Variants in DNAH14 observed in about 807,000 individuals in gnomAD.
The protein encoded by DNAH14 is axonemal beta dynein heavy chain 14.
DNAH14 carries 478 observed loss-of-function variants against 520.9 expected under a neutral mutation model. The ratio of observed to expected loss-of-function variants is 0.92; its 90% CI spans 0.85 to 0.99. The LOEUF is 0.99. DNAH14 is among the 50% of genes least tolerant of loss of function. The probability of loss-of-function intolerance (pLI) is 0.00; values close to 1 mark genes in which losing one functional copy is unlikely to be tolerated. For synonymous variants in DNAH14, 1,581 were observed against 1,757.2 expected, an observed-to-expected ratio of 0.90 and a Z score of 2.51; for missense variants, 4,831 against 5,234.5, an observed-to-expected ratio of 0.92 and a Z score of 2.38.
chr1:224,962,611 G>A (rs1010158435), intron 4 of DNAH14, among the ~76,000 whole-genome samples: 11 of 152,116 alleles, frequency 7.2e-5, no homozygotes, highest in Admixed American at 3.9e-4. Flanking sequence ...TAAGGGCATG[G>A]TCAGCTGACA....
chr1:225,249,510 A>G, intron 43 of DNAH14, among the ~76,000 whole-genome samples: 1 of 152,148 alleles, frequency 6.6e-6, no homozygotes, highest in Non-Finnish European at 1.5e-5. Flanking sequence ...CCAGCCCTCT[A>G]CCTGGAGGAG....
intron 21 of DNAH14, among the ~76,000 whole-genome samples, chr1:225,094,656 CAAA>C (rs760828776): frequency 0.02 from 1,518 of 77,456 alleles, 24 homozygotes; most frequent in Non-Finnish European, 0.042. Context: ...TTCTGCACAG[CAAA>C]AAAAAAAAAA....
Position 225,345,924 on chromosome 1 carries a change from A to G in DNAH14, c.10679-38A>G, listed in dbSNP as rs12082090. 2.6e-4 allele frequency: 386 copies of G among 1,489,708 alleles called. 2 individuals are homozygous for G. In the African/African-American group the frequency reaches 4.7e-3, roughly 18 times the overall value. 92.3% of individuals were successfully genotyped at this position (1,489,708 alleles called of 1,614,324 possible). The stretch of plus-strand genomic sequence containing the variant: ...GAGGAAATAGCCATTTACTGTTACA[A>G]TAGTCTTTATTTAACTTCACTTTTT... On this transcript the variant is annotated intron_variant, in intron 69 of 85. Coordinates refer to ENST00000682510, the MANE Select transcript of DNAH14 (RefSeq NM_001367479.1).
chr1:225,063,668 C>T (rs2070468889), intron 17 of DNAH14, among the ~76,000 whole-genome samples: 1 of 151,908 alleles, frequency 6.6e-6, no homozygotes, highest in Admixed American at 6.6e-5. Context: ...ACCAAGTGAT[C>T]TATCATATGT....
intron 41 of DNAH14, among the ~76,000 whole-genome samples, chr1:225,218,097 A>C (rs1366495037): frequency 6.6e-6 from 1 of 152,168 alleles, no homozygotes; most frequent in Non-Finnish European, 1.5e-5. Context: ...CTTTATAGAC[A>C]AGCAAATGCT....
At chr1:225,129,833 T>G (rs1421028299) in intron 27 of DNAH14, among the ~76,000 whole-genome samples, 2 of 152,130 alleles carry the variant, frequency 1.3e-5, no homozygotes, top group Non-Finnish European at 2.9e-5. Context: ...CTAATTAAAC[T>G]AAAGAGCTTC....
intron 36 of DNAH14, among the ~76,000 whole-genome samples, chr1:225,184,395 G>T (rs1474774091): frequency 6.6e-6 from 1 of 152,144 alleles, no homozygotes; most frequent in Non-Finnish European, 1.5e-5. Flanking sequence ...AGAGGTGAGT[G>T]GATCGCTTGA....
At chr1:225,222,457 C>G (rs76137073) in intron 41 of DNAH14, among the ~76,000 whole-genome samples, 7,417 of 152,114 alleles carry the variant, frequency 0.049, 284 homozygotes, top group Non-Finnish European at 0.073. Context: ...TGACCAGCAG[C>G]AAGATTTATT....
chr1:225,108,460 G>GT (rs1558984943), intron 23 of DNAH14, among the ~76,000 whole-genome samples: 1 of 152,084 alleles, frequency 6.6e-6, no homozygotes, highest in Non-Finnish European at 1.5e-5. Flanking sequence ...CTAGAGAACC[G>GT]TGACTAATAC....
chr1:225,318,373 C>A (rs974655279), intron 60 of DNAH14, among the ~76,000 whole-genome samples: 4 of 152,184 alleles, frequency 2.6e-5, no homozygotes, highest in Non-Finnish European at 5.9e-5. Context: ...TATACCTTCT[C>A]ATCAAGGATT....
At chr1:225,279,442 AG>A (rs2093575082) in intron 54 of DNAH14, among the ~76,000 whole-genome samples, 1 of 152,222 alleles carries the variant, frequency 6.6e-6, no homozygotes, top group African/African-American at 2.4e-5. Flanking sequence ...TGCAGGGAGA[AG>A]CAACTGGAGG....
chr1:225,084,007 G>A (rs1041505580), intron 20 of DNAH14, among the ~76,000 whole-genome samples: 1 of 152,116 alleles, frequency 6.6e-6, no homozygotes, highest in Admixed American at 6.5e-5. Flanking sequence ...GCAGCTGGTG[G>A]CCTACATGGG....
At position 225,381,668 on chromosome 1, in the gene DNAH14, G is replaced by T. The variant is rs573004550; in HGVS notation, c.13077+89G>T. ...AATGGTGAAGGTAAATGGTGCATCT[G>T]TGTGATGAAATATGTAACTCTTAAA... On this transcript the variant is annotated intron_variant, in intron 81 of 85. Transcript: ENST00000682510. The T allele has an allele frequency of 5.9e-5, 61 of 1,037,548 alleles. No homozygotes were observed. In the South Asian group the frequency reaches 1.0e-3, roughly 18 times the overall value. 64.3% of individuals were successfully genotyped at this position (1,037,548 alleles called of 1,614,324 possible).
At chr1:225,043,197 A>T in intron 13 of DNAH14, 83 bp downstream of exon 13, 30 of 1,180,908 alleles carry the variant, frequency 2.5e-5, no homozygotes, top group African/African-American at 5.0e-5. Context: ...TGGGAGGCTG[A>T]GGTGGGAGGA....
chr1:225,141,085 G>A, intron 28 of DNAH14, 64 bp downstream of exon 28: 2 of 1,396,912 alleles, frequency 1.4e-6, no homozygotes, highest in East Asian at 2.5e-5. Flanking sequence ...TAGGTAAATT[G>A]ATTCTCTACC....
At chr1:224,955,284 T>C (rs1301721532) in intron 3 of DNAH14, among the ~76,000 whole-genome samples, 186 bp downstream of exon 3, 1 of 151,712 alleles carries the variant, frequency 6.6e-6, no homozygotes, top group Non-Finnish European at 1.5e-5. Context: ...CATTAACTAC[T>C]CATAATAAAA....
rs568596163 is a variant in DNAH14 at position 225,055,583 on chromosome 1, C to T, written c.2424+3788C>T. On this transcript the variant is annotated intron_variant, in intron 17 of 85. Transcript: ENST00000682510. ...TAAATTTTAGGGTACATGTGCACAA[C>T]GTGCAGGTTAGTTACATATGTATAC... Among the ~76,000 whole-genome samples the T allele has an allele frequency of 7.9e-5, 12 of 151,982 alleles. No individual in the cohort carries two copies. The South Asian group carries it at 1.5e-3, about 18-fold the overall frequency.
chr1:225,191,797 G>T (rs114480508), intron 37 of DNAH14, among the ~76,000 whole-genome samples: 2,374 of 151,686 alleles, frequency 0.016, 50 homozygotes, highest in East Asian at 0.053. Flanking sequence ...CTTCAGGTTT[G>T]CTCATTCTTT....
At chr1:225,227,500 T>C (rs1432557264) in intron 41 of DNAH14, among the ~76,000 whole-genome samples, 1 of 151,958 alleles carries the variant, frequency 6.6e-6, no homozygotes, top group African/African-American at 2.4e-5. Context: ...GCAGAAAAAT[T>C]TTTCTTAGTA....
Sources: allele counts gnomAD v4.1 joint callset (sites outside exome capture counted in the v4.1 genomes callset), GRCh38; gene constraint gnomAD v4.1.1; transcripts MANE v1.5; gene names NCBI Gene and HGNC (gene_info 2026-07-23, HGNC 2026-07-21).